Variants in PTPRM observed in about 807,000 individuals in gnomAD.
PTPRM encodes the protein protein tyrosine phosphatase receptor type M, also known as receptor-type tyrosine-protein phosphatase mu.
Under a neutral mutation model 186.7 loss-of-function variants are expected in PTPRM, and 47 were observed. That is an observed-to-expected ratio of 0.25 (90% confidence interval 0.20 to 0.32). The LOEUF (loss-of-function observed/expected upper bound fraction) is 0.32, where lower values mean the gene tolerates loss of function less well. Ranked by LOEUF, PTPRM falls within the 10% of genes least tolerant of loss-of-function variation. PTPRM has a pLI of 1.00. For missense variants in PTPRM, 1,494 were observed against 1,865.0 expected (o/e 0.80, Z 3.66); for synonymous variants, 668 against 674.9 (o/e 0.99, Z 0.16).
intron 1 of PTPRM, among the ~76,000 whole-genome samples, chr18:7,589,799 A>G (rs2037076028): frequency 6.6e-6 from 1 of 152,228 alleles, no homozygotes; most frequent in African/African-American, 2.4e-5. Context: ...AGAATCTTGC[A>G]AAACCATTAG....
chr18:8,294,350 A>G (rs1392107193), intron 19 of PTPRM, among the ~76,000 whole-genome samples: 1 of 152,218 alleles, frequency 6.6e-6, no homozygotes, highest in Non-Finnish European at 1.5e-5. Context: ...AAGCCTCAGG[A>G]AACTAACAGT....
intron 11 of PTPRM, among the ~76,000 whole-genome samples, chr18:8,110,258 A>G (rs933797105): frequency 6.6e-6 from 1 of 152,202 alleles, no homozygotes; most frequent in Non-Finnish European, 1.5e-5. Context: ...CAAAATGACT[A>G]TGTGCTCACA....
chr18:7,832,860 A>G (rs2045831338), intron 2 of PTPRM, among the ~76,000 whole-genome samples: 1 of 152,178 alleles, frequency 6.6e-6, no homozygotes, highest in African/African-American at 2.4e-5. Flanking sequence ...TCCCAACACC[A>G]TTTATTGAAG....
intron 14 of PTPRM, among the ~76,000 whole-genome samples, chr18:8,218,154 G>T (rs760392731): frequency 3.3e-5 from 5 of 152,114 alleles, no homozygotes; most frequent in Non-Finnish European, 5.9e-5. Context: ...GCGTGTGGAA[G>T]ATGTTTGATT....
At chr18:7,706,550 T>C (rs1367720450) in intron 1 of PTPRM, among the ~76,000 whole-genome samples, 3 of 136,634 alleles carry the variant, frequency 2.2e-5, no homozygotes, top group South Asian at 2.3e-4. Context: ...TTCAGTGAGC[T>C]GTGATCATGC....
chr18:8,380,276 A>G lies in PTPRM; in HGVS notation c.3787-20A>G, dbSNP rs2095724580. The G allele has an allele frequency of 1.2e-6, 2 of 1,610,912 alleles. No individual in the cohort carries two copies. Among genetic ancestry groups the G allele is most frequent in the Non-Finnish European group, 1.7e-6 (2 of 1,177,256 alleles). ...CCATTTTCCTGAGTATATTTGGAGC[A>G]TTCTTGTTTGTGTTTGCAGAGCTAT... On this transcript the variant is annotated intron_variant, in intron 28 of 32. Transcript: ENST00000580170.
intron 2 of PTPRM, among the ~76,000 whole-genome samples, chr18:7,844,154 G>T (rs1173115785): frequency 6.6e-6 from 1 of 152,212 alleles, no homozygotes; most frequent in Non-Finnish European, 1.5e-5. Flanking sequence ...CCACCACTCA[G>T]TAGAGGAGTG....
At chr18:7,893,563 G>A (rs1390905935) in intron 3 of PTPRM, among the ~76,000 whole-genome samples, 2 of 152,132 alleles carry the variant, frequency 1.3e-5, no homozygotes, top group African/African-American at 4.8e-5. Flanking sequence ...ATGCAGGTGG[G>A]CTACTACCAA....
chr18:8,325,287 G>T (rs2095368846), intron 22 of PTPRM, among the ~76,000 whole-genome samples: 1 of 152,150 alleles, frequency 6.6e-6, no homozygotes, highest in South Asian at 2.1e-4. Flanking sequence ...ATACCCGATA[G>T]GTAGTTTTTT....
At chr18:8,295,039 A>G (rs1407612735) in intron 19 of PTPRM, among the ~76,000 whole-genome samples, 7 of 152,256 alleles carry the variant, frequency 4.6e-5, no homozygotes, top group Admixed American at 2.0e-4. Flanking sequence ...ACTGGATTCC[A>G]AACATAAATG....
At chr18:8,380,516 G>T in intron 29 of PTPRM, 89 bp downstream of exon 29, 1 of 1,455,660 alleles carries the variant, frequency 6.9e-7, no homozygotes, top group Non-Finnish European at 9.5e-7. Context: ...AGAAGTGCAG[G>T]CCCTAGTGCC....
chr18:8,397,885 G>T (rs1414873283), intron 32 of PTPRM, among the ~76,000 whole-genome samples: 1 of 152,190 alleles, frequency 6.6e-6, no homozygotes, highest in African/African-American at 2.4e-5. Context: ...CCTGTGAGGT[G>T]GTGGGAACTT....
At chr18:7,787,211 G>A (rs2043134486) in intron 2 of PTPRM, among the ~76,000 whole-genome samples, 1 of 152,162 alleles carries the variant, frequency 6.6e-6, no homozygotes, top group Non-Finnish European at 1.5e-5. Context: ...TCTTGCATGT[G>A]TCATATTTAA....
intron 23 of PTPRM, among the ~76,000 whole-genome samples, chr18:8,347,622 T>A (rs1313135988): frequency 2.0e-5 from 3 of 152,150 alleles, no homozygotes; most frequent in African/African-American, 7.2e-5. Context: ...ACCCGTCACA[T>A]CCAGGGTAGT....
chr18:8,335,745 G>A (rs1300143568), intron 22 of PTPRM, among the ~76,000 whole-genome samples: 1 of 152,202 alleles, frequency 6.6e-6, no homozygotes, highest in Non-Finnish European at 1.5e-5. Context: ...AATATGGCCA[G>A]GCGTGGCAGC....
intron 11 of PTPRM, among the ~76,000 whole-genome samples, chr18:8,112,746 A>C (rs1029925502): frequency 1.3e-5 from 2 of 152,190 alleles, no homozygotes; most frequent in South Asian, 4.1e-4. Context: ...TTGGAAGAGG[A>C]TGAGCGGGTA....
rs56288638 is a variant in PTPRM, at chr18:7,989,195, AT to A, written c.1132+33793del. Among the ~76,000 whole-genome samples, 1,163 of 147,628 alleles carry A rather than the reference AT, an allele frequency of 7.9e-3. 5 individuals are homozygous for A. Among genetic ancestry groups the A allele is most frequent in the African/African-American group, 0.019 (765 of 40,492 alleles). ...GCAGCAATGTTGATGGGTGTGGCTAATTTTTTTTTTTTAATTTCCTAGTTAC... is the reference window on the plus strand; with the variant it reads ...GCAGCAATGTTGATGGGTGTGGCTAATTTTTTTTTTTAATTTCCTAGTTAC... On this transcript the variant is annotated intron_variant, in intron 7 of 32. Coordinates refer to ENST00000580170, the MANE Select transcript of PTPRM (RefSeq NM_001105244.2).
chr18:8,072,875 C>T (rs555568359), intron 8 of PTPRM, among the ~76,000 whole-genome samples: 24 of 152,138 alleles, frequency 1.6e-4, no homozygotes, highest in African/African-American at 3.6e-4. Flanking sequence ...TACTATCTTC[C>T]GTAACTTAAT....
intron 1 of PTPRM, 99 bp from the exon 2 acceptor site, chr18:7,774,050 T>G: frequency 7.9e-7 from 1 of 1,262,086 alleles, no homozygotes. Context: ...TAGTTTGGCA[T>G]CAAACTTGGC....
Sources: gnomAD v4.1 joint callset for allele counts (sites outside exome capture counted in the v4.1 genomes callset) on GRCh38, gnomAD v4.1.1 for gene constraint, MANE v1.5 for transcripts, NCBI Gene and HGNC (gene_info 2026-07-23, HGNC 2026-07-21) for gene names.